Variants in OSBPL5 observed in about 807,000 individuals in gnomAD.
The protein encoded by OSBPL5 is oxysterol binding protein like 5, also known as oxysterol-binding protein-related protein 5.
In OSBPL5, 71 loss-of-function variants were observed where a neutral mutation model predicts 111.2. The ratio of observed to expected loss-of-function variants is 0.64; its 90% CI spans 0.53 to 0.78. OSBPL5 has a LOEUF of 0.78. Among genes scored for constraint, OSBPL5 ranks in the 30% least tolerant of loss-of-function variants. OSBPL5 has a pLI of 0.00. For missense variants in OSBPL5, 1,210 were observed against 1,189.3 expected, an observed-to-expected ratio of 1.02 and a Z score of -0.26; for synonymous variants, 549 against 513.9, an observed-to-expected ratio of 1.07 and a Z score of -0.93.
chr11:3,103,864 C>CCTCTGCAG (rs1304966875), intron 10 of OSBPL5, among the ~76,000 whole-genome samples: 1,330 of 49,214 alleles, frequency 0.027, 185 homozygotes, highest in African/African-American at 0.077. Context: ...GTCTGCGCAG[C>CCTCTGCAG]CCCCTTCCTG....
At chr11:3,119,498 C>T (rs1486847770) in intron 7 of OSBPL5, 49 bp downstream of exon 7, 1 of 1,522,220 alleles carries the variant, frequency 6.6e-7, no homozygotes, top group Admixed American at 2.3e-5. Flanking sequence ...AAAGGGGGCC[C>T]ACTTCAGGTG....
intron 14 of OSBPL5, among the ~76,000 whole-genome samples, chr11:3,097,733 G>T (rs1030728973): frequency 6.6e-6 from 1 of 152,142 alleles, no homozygotes; most frequent in Non-Finnish European, 1.5e-5. Flanking sequence ...TTATGAGAAA[G>T]GATTGGAAAC....
chr11:3,097,229 A>G (rs1175326225), intron 14 of OSBPL5, among the ~76,000 whole-genome samples: 1 of 151,788 alleles, frequency 6.6e-6, no homozygotes, highest in African/African-American at 2.4e-5. Flanking sequence ...AAAGTGGTAG[A>G]CAGGTCCTTG....
chr11:3,112,080 T>TGCGCGC (rs1858005720), intron 7 of OSBPL5, among the ~76,000 whole-genome samples: 1 of 130,362 alleles, frequency 7.7e-6, no homozygotes, highest in African/African-American at 3.3e-5. Context: ...TGTGCATGTG[T>TGCGCGC]GTGTGCATGT....
intron 6 of OSBPL5, chr11:3,120,107 A>AG (rs1226894720): frequency 4.0e-6 from 2 of 498,630 alleles, no homozygotes; most frequent in African/African-American, 3.8e-5. Flanking sequence ...CCGGGTTAGG[A>AG]GGGGTGAGGG....
chr11:3,121,690 G>A lies in OSBPL5; in HGVS notation c.402+307C>T, dbSNP rs145691985. Reference sequence around the variant, plus strand: ...CCAGAGCAATGTCTCCCTCCCCAGCGCCCTCCGCCCACTGGCCAGGCCCCA... The same window carrying A: ...CCAGAGCAATGTCTCCCTCCCCAGCACCCTCCGCCCACTGGCCAGGCCCCA... On this transcript the variant is annotated intron_variant, in intron 5 of 21. Coordinates refer to ENST00000263650, the MANE Select transcript of OSBPL5 (RefSeq NM_020896.4). The surrounding 1 kb of genome is among the most constrained non-coding windows in gnomAD (Gnocchi z 4.3). The A allele has an allele frequency of 1.4e-4, 55 of 391,134 alleles. No homozygotes were observed. Among genetic ancestry groups the A allele is most frequent in the Middle Eastern group, 7.6e-4 (1 of 1,308 alleles). 24.2% of individuals were successfully genotyped at this position (391,134 alleles called of 1,614,324 possible).
At chr11:3,159,358 C>A (rs963696700) in intron 1 of OSBPL5, among the ~76,000 whole-genome samples, 1 of 152,200 alleles carries the variant, frequency 6.6e-6, no homozygotes, top group African/African-American at 2.4e-5. Flanking sequence ...GTAACGAGGC[C>A]TGGTACCTAA....
intron 11 of OSBPL5, among the ~76,000 whole-genome samples, chr11:3,102,834 G>T (rs1304559052): frequency 6.6e-6 from 1 of 152,164 alleles, no homozygotes; most frequent in Non-Finnish European, 1.5e-5. Context: ...TGGAGTCCTG[G>T]GTTTGGGGTT....
chr11:3,106,998 G>C lies in OSBPL5; in HGVS notation c.1059+265C>G, dbSNP rs1857715882. Among the ~76,000 whole-genome samples the C allele has an allele frequency of 6.6e-6, 1 of 152,192 alleles. No individual in the cohort carries two copies. Among genetic ancestry groups the C allele is most frequent in the Non-Finnish European group, 1.5e-5 (1 of 68,034 alleles). On this transcript the variant is annotated intron_variant, in intron 9 of 21. Coordinates refer to ENST00000263650, the MANE Select transcript of OSBPL5 (RefSeq NM_020896.4). This position sits in a 1 kb window ranked among gnomAD's most constrained non-coding sequence, Gnocchi z 8.4. ...CAGCGCATTCCAGCCCAAGGAGGGA[G>C]TTGCCTGTCTGCAGCAAACCCCTGC... is the stretch of plus-strand genomic sequence containing the variant.
chr11:3,122,278 G>A, intron 4 of OSBPL5, 70 bp downstream of exon 4: 1 of 1,513,080 alleles, frequency 6.6e-7, no homozygotes, highest in Non-Finnish European at 9.0e-7. Flanking sequence ...TGGGGAGGGT[G>A]ACCTCCCTGG....
At chr11:3,095,358 T>C (rs977054035) in intron 14 of OSBPL5, among the ~76,000 whole-genome samples, 8 of 150,746 alleles carry the variant, frequency 5.3e-5, no homozygotes, top group African/African-American at 7.3e-5. Flanking sequence ...GCAAAGCAGG[T>C]CTGACCTCCA....
chr11:3,103,785 T>TTCCAGCCTGTGCCGCC lies in OSBPL5; in HGVS notation c.1244+407_1244+408insGGCGGCACAGGCTGGA, dbSNP rs1564830137. Reference sequence around the variant, plus strand: ...TGCAGCCCCCTTCCAGCCTCTGCAGTCCCTTCCTGCCTCTGCAGCCCTCTT... The same window carrying TTCCAGCCTGTGCCGCC: ...TGCAGCCCCCTTCCAGCCTCTGCAGTTCCAGCCTGTGCCGCCCCCTTCCTGCCTCTGCAGCCCTCTT... On this transcript the variant is annotated intron_variant, in intron 10 of 21. Transcript: ENST00000263650. 1.9e-3 allele frequency among the ~76,000 whole-genome samples: 103 copies of TTCCAGCCTGTGCCGCC among 55,026 alleles called. 13 individuals are homozygous for TTCCAGCCTGTGCCGCC. Among genetic ancestry groups the TTCCAGCCTGTGCCGCC allele is most frequent in the Non-Finnish European group, 3.2e-3 (79 of 24,418 alleles). 36.1% of individuals were successfully genotyped at this position (55,026 alleles called of 152,430 possible). A position where few individuals can be genotyped will look rare whatever the true frequency, so the allele number is the denominator to read the frequency against.
chr11:3,131,381 T>TCATC (rs141516164), intron 1 of OSBPL5, among the ~76,000 whole-genome samples: 12,357 of 137,962 alleles, frequency 0.09, 1,282 homozygotes, highest in African/African-American at 0.26. Flanking sequence ...ACCCACCCAT[T>TCATC]CATCCATCCA....
chr11:3,150,224 T>C (rs1446683979), intron 1 of OSBPL5, among the ~76,000 whole-genome samples: 1 of 152,156 alleles, frequency 6.6e-6, no homozygotes, highest in Non-Finnish European at 1.5e-5. Context: ...AAAAGGCAAG[T>C]TGCCCTCGGG....
chr11:3,117,639 A>G (rs764242592), intron 7 of OSBPL5, among the ~76,000 whole-genome samples: 1 of 152,036 alleles, frequency 6.6e-6, no homozygotes, highest in African/African-American at 2.4e-5. Context: ...GTTAGATTCT[A>G]CTCTTCCCTA....
intron 1 of OSBPL5, among the ~76,000 whole-genome samples, chr11:3,132,976 G>A (rs558463349): frequency 2.6e-5 from 4 of 151,354 alleles, no homozygotes; most frequent in Admixed American, 2.0e-4. Context: ...TGTGCAGCAG[G>A]CACTCCCCAT....
At chr11:3,163,300 G>A (rs1049910077) in intron 1 of OSBPL5, among the ~76,000 whole-genome samples, 7 of 152,308 alleles carry the variant, frequency 4.6e-5, no homozygotes, top group East Asian at 3.9e-4. Flanking sequence ...GTGTGCAAAC[G>A]TGTGCAGGCT....
In OSBPL5 at chr11:3,160,358, G is replaced by C. The variant is rs1053364802; in HGVS notation, c.-22+4858C>G. Among the ~76,000 whole-genome samples the C allele has an allele frequency of 2.0e-5, 3 of 152,344 alleles. No homozygotes were observed. In the South Asian group the frequency reaches 6.2e-4, roughly 32 times the overall value. On this transcript the variant is annotated intron_variant, in intron 1 of 21. Coordinates refer to ENST00000263650, the MANE Select transcript of OSBPL5 (RefSeq NM_020896.4). ...CTTTAAACAACCCGACTGCTGCGCC[G>C]TATTCACCGCAATAGGCGGGCAGGA... is the stretch of plus-strand genomic sequence containing the variant.
chr11:3,123,668 C>T (rs950345774), intron 3 of OSBPL5, among the ~76,000 whole-genome samples: 1 of 152,248 alleles, frequency 6.6e-6, no homozygotes, highest in Non-Finnish European at 1.5e-5. Context: ...CTTCTCCTGG[C>T]TAGAAGCCCT....
Sources: allele counts gnomAD v4.1 joint callset (sites outside exome capture counted in the v4.1 genomes callset), GRCh38; gene constraint gnomAD v4.1.1; non-coding constraint Gnocchi (gnomAD v3.1); transcripts MANE v1.5; gene names NCBI Gene and HGNC (gene_info 2026-07-23, HGNC 2026-07-21).